The following RBMS1 variants were observed in gnomAD, a reference collection of about 807,000 sequenced individuals.
RBMS1 encodes the protein RNA binding motif single stranded interacting protein 1, also known as RNA-binding motif, single-stranded-interacting protein 1.
A neutral mutation model predicts 62.3 loss-of-function variants in RBMS1; 17 were observed. The ratio of observed to expected loss-of-function variants is 0.27; its 90% CI spans 0.19 to 0.41. The LOEUF is 0.41. Ranked by LOEUF, RBMS1 falls within the 10% of genes least tolerant of loss-of-function variation. The pLI, the probability that RBMS1 is intolerant of heterozygous loss-of-function variation, is 1.00. For missense variants in RBMS1, 334 were observed against 504.5 expected, an observed-to-expected ratio of 0.66 and a Z score of 3.24; for synonymous variants, 172 against 170.0, an observed-to-expected ratio of 1.01 and a Z score of -0.09.
intron 1 of RBMS1, among the ~76,000 whole-genome samples, chr2:160,472,430 G>A (rs999827383): frequency 3.3e-5 from 5 of 152,090 alleles, no homozygotes; most frequent in African/African-American, 1.2e-4. Flanking sequence ...CAACACCGAA[G>A]GATAAAACAT....
chr2:160,278,400 T>C, intron 11 of RBMS1, 148 bp downstream of exon 11: 1 of 681,916 alleles, frequency 1.5e-6, no homozygotes, highest in South Asian at 1.8e-5. Flanking sequence ...AGCTGAGTAT[T>C]TACTTTATGG....
chr2:160,357,048 C>A (rs1692839634), intron 2 of RBMS1, among the ~76,000 whole-genome samples: 1 of 152,054 alleles, frequency 6.6e-6, no homozygotes, highest in Non-Finnish European at 1.5e-5. Flanking sequence ...AAACCAAGCA[C>A]AACTGCCAAA....
At chr2:160,483,474 A>G (rs1685454454) in intron 1 of RBMS1, among the ~76,000 whole-genome samples, 1 of 152,212 alleles carries the variant, frequency 6.6e-6, no homozygotes, top group South Asian at 2.1e-4. Context: ...ATAAAATTTT[A>G]TTTAAAATTT....
chr2:160,377,980 T>G (rs1439117422), intron 1 of RBMS1, among the ~76,000 whole-genome samples: 1 of 152,046 alleles, frequency 6.6e-6, no homozygotes, highest in Non-Finnish European at 1.5e-5. Context: ...TATTAATGAG[T>G]TTTTAAAAAC....
intron 1 of RBMS1, among the ~76,000 whole-genome samples, chr2:160,487,501 T>C (rs562229168): frequency 1.2e-4 from 19 of 152,350 alleles, no homozygotes; most frequent in Non-Finnish European, 1.3e-4. Flanking sequence ...AATGATGTAC[T>C]GGGGTCACTC....
chr2:160,379,369 C>T (rs1019447871), intron 1 of RBMS1, among the ~76,000 whole-genome samples: 13 of 152,172 alleles, frequency 8.5e-5, no homozygotes, highest in African/African-American at 2.9e-4. Context: ...AATGATACTG[C>T]ATATTTGGAC....
intron 1 of RBMS1, among the ~76,000 whole-genome samples, chr2:160,447,311 C>T (rs1683696552): frequency 6.6e-6 from 1 of 152,150 alleles, no homozygotes; most frequent in Non-Finnish European, 1.5e-5. Context: ...GTATATGTTC[C>T]TTCTGCCCAC....
At chr2:160,407,434 C>T in intron 1 of RBMS1, 9 of 986,148 alleles carry the variant, frequency 9.1e-6, no homozygotes, top group Non-Finnish European at 1.1e-5. Context: ...GCTCGCCGAC[C>T]TCGGCGCGGC....
Position 160,287,167 on chromosome 2 carries a change from T to C in RBMS1, c.641-83A>G. 1.9e-6 allele frequency: 3 copies of C among 1,542,180 alleles called. 1 individual carries two copies. Among genetic ancestry groups the C allele is most frequent in the African/African-American group, 1.4e-5 (1 of 73,246 alleles). ...AAATGTATTACAAAAATAGGAATAG[T>C]GTTCACGCTATTAGAAAATTCATAC... On this transcript the variant is annotated intron_variant, in intron 6 of 13. Transcript: ENST00000348849.
At chr2:160,463,650 T>G (rs1182794196) in intron 1 of RBMS1, among the ~76,000 whole-genome samples, 1 of 152,114 alleles carries the variant, frequency 6.6e-6, no homozygotes, top group Non-Finnish European at 1.5e-5. Context: ...CCGGGCATGG[T>G]GGCAGGTGCC....
chr2:160,302,452 C>T (rs1368331207), intron 5 of RBMS1: 1 of 152,216 alleles, frequency 6.6e-6, no homozygotes, highest in African/African-American at 2.4e-5. Context: ...GCCTTGGCCT[C>T]CCCAAATGCT....
chr2:160,318,102 TC>T, intron 3 of RBMS1, 66 bp downstream of exon 3: 1 of 1,561,490 alleles, frequency 6.4e-7, no homozygotes. Flanking sequence ...AAACCAAAGA[TC>T]AGGTTTTAAA....
chr2:160,396,798 C>T (rs1283193105), intron 1 of RBMS1, among the ~76,000 whole-genome samples: 3 of 151,976 alleles, frequency 2.0e-5, no homozygotes, highest in Non-Finnish European at 4.4e-5. Flanking sequence ...CTCCTGACCT[C>T]GTAATCCGCC....
chr2:160,485,521 A>G (rs1685565761), intron 1 of RBMS1, among the ~76,000 whole-genome samples: 1 of 152,198 alleles, frequency 6.6e-6, no homozygotes, highest in African/African-American at 2.4e-5. Flanking sequence ...TTCGCTGGGG[A>G]CCATATCATT....
At chr2:160,484,130 T>C (rs1200594511) in intron 1 of RBMS1, among the ~76,000 whole-genome samples, 1 of 151,568 alleles carries the variant, frequency 6.6e-6, no homozygotes, top group East Asian at 1.9e-4. Context: ...TAGCCACTGC[T>C]CCCCACCCTG....
intron 1 of RBMS1, among the ~76,000 whole-genome samples, chr2:160,407,198 C>A (rs975690182): frequency 6.6e-6 from 1 of 152,198 alleles, no homozygotes; most frequent in South Asian, 2.1e-4. Context: ...GTGAAGCCCC[C>A]GGCCCGGCGC....
At chr2:160,423,997 A>G (rs1696538567) in intron 1 of RBMS1, among the ~76,000 whole-genome samples, 1 of 151,594 alleles carries the variant, frequency 6.6e-6, no homozygotes, top group Non-Finnish European at 1.5e-5. Flanking sequence ...ATTGACTTGG[A>G]AGTTCAAGAA....
In RBMS1 at chr2:160,344,528, C is replaced by T. The variant is rs576123668; in HGVS notation, c.251+22688G>A. Among the ~76,000 whole-genome samples, 18 of 152,152 alleles carry T rather than the reference C, an allele frequency of 1.2e-4. No homozygotes were observed. The South Asian group carries it at 3.1e-3, about 26-fold the overall frequency. ...CATTCTTAATGAACACTTTAGTCTA[C>T]GACTCCAACAGTATATGGAAACACC... On this transcript the variant is annotated intron_variant, in intron 2 of 13. Coordinates refer to ENST00000348849, the MANE Select transcript of RBMS1 (RefSeq NM_016836.4).
intron 1 of RBMS1, among the ~76,000 whole-genome samples, chr2:160,451,111 A>G (rs1456415434): frequency 1.3e-5 from 2 of 150,764 alleles, no homozygotes; most frequent in Non-Finnish European, 3.0e-5. Flanking sequence ...AGCTGTGATG[A>G]GCACCACTGT....
Sources: gnomAD v4.1 joint callset for allele counts (sites outside exome capture counted in the v4.1 genomes callset) on GRCh38, gnomAD v4.1.1 for gene constraint, MANE v1.5 for transcripts, NCBI Gene and HGNC (gene_info 2026-07-23, HGNC 2026-07-21) for gene names.